The following DOCK7 variants were observed in gnomAD, a reference collection of about 807,000 sequenced individuals.
DOCK7 encodes the protein dedicator of cytokinesis 7.
DOCK7 carries 138 observed loss-of-function variants against 271.0 expected under a neutral mutation model. The ratio of observed to expected loss-of-function variants is 0.51; its 90% CI spans 0.44 to 0.59. The LOEUF is 0.59. Among genes scored for constraint, DOCK7 ranks in the 20% least tolerant of loss-of-function variants. DOCK7 has a pLI of 0.00. For missense variants in DOCK7, 2,066 were observed against 2,592.4 expected, an observed-to-expected ratio of 0.80 and a Z score of 4.41; for synonymous variants, 823 against 876.1, an observed-to-expected ratio of 0.94 and a Z score of 1.07.
intron 37 of DOCK7, among the ~76,000 whole-genome samples, chr1:62,503,657 C>T (rs1646851827): frequency 6.6e-6 from 1 of 151,966 alleles, no homozygotes; most frequent in African/African-American, 2.4e-5. Flanking sequence ...CTCAGGCTGG[C>T]CTCAAACTCC....
In DOCK7 at chr1:62,495,455, C is replaced by T. The variant is rs145607352; in HGVS notation, c.5024+126G>A. ...AAAAAGTAAAAAATAAAAATAAAAA[C>T]AATAAAGAATGTAAATAAAGAAAAA... On this transcript the variant is annotated intron_variant, in intron 39 of 49. Transcript: ENST00000635253. The T allele has an allele frequency of 2.4e-4, 149 of 624,030 alleles. No individual in the cohort carries two copies. The African/African-American group carries it at 2.8e-3, about 12-fold the overall frequency. The allele number at this position is 624,030 out of a possible 1,614,324, so 38.7% of individuals were successfully genotyped here.
At chr1:62,602,263 T>C (rs1258625222) in intron 14 of DOCK7, 4 of 1,562,402 alleles carry the variant, frequency 2.6e-6, no homozygotes, top group Non-Finnish European at 2.6e-6. Flanking sequence ...TAAAAATACA[T>C]GATTTCATTC....
At position 62,649,847 on chromosome 1, in the gene DOCK7, G is replaced by A. The variant is rs547758985; in HGVS notation, c.390-1303C>T. Among the ~76,000 whole-genome samples the A allele has an allele frequency of 1.7e-4, 26 of 152,222 alleles. No homozygotes were observed. In the South Asian group the frequency reaches 5.4e-3, roughly 32 times the overall value. ...TCAATATGGAGCCTTAGCATGTATT[G>A]CTCTTCCCTCTGCCTAATAACATTC... On this transcript the variant is annotated intron_variant, in intron 4 of 49. Transcript: ENST00000635253.
At chr1:62,505,926 G>A in intron 35 of DOCK7, 110 bp from the exon 36 acceptor site, 1 of 1,035,586 alleles carries the variant, frequency 9.7e-7, no homozygotes, top group Non-Finnish European at 1.3e-6. Flanking sequence ...TATAAGTAAA[G>A]TTTTAAAAGA....
intron 15 of DOCK7, among the ~76,000 whole-genome samples, chr1:62,585,366 T>C (rs890422179): frequency 2.6e-5 from 4 of 152,166 alleles, no homozygotes; most frequent in African/African-American, 9.6e-5. Flanking sequence ...CTATTAACAA[T>C]GCACCTATTC....
intron 14 of DOCK7, among the ~76,000 whole-genome samples, chr1:62,591,215 G>T (rs1648393580): frequency 6.6e-6 from 1 of 152,146 alleles, no homozygotes; most frequent in South Asian, 2.1e-4. Flanking sequence ...GGATGGAGCT[G>T]GGAACCACTA....
chr1:62,562,233 C>CTTTTTTTTTT (rs59893499), intron 18 of DOCK7, among the ~76,000 whole-genome samples: 55,601 of 118,068 alleles, frequency 0.47, 15,514 homozygotes, highest in East Asian at 0.67. Context: ...GATCCAAAAA[C>CTTTTTTTTTT]TTTTTTTTTT....
At chr1:62,457,892 G>A in intron 48 of DOCK7, 187 bp from the exon 49 acceptor site, 1 of 545,936 alleles carries the variant, frequency 1.8e-6, no homozygotes. Flanking sequence ...GCTCATGGCT[G>A]TAATCCCAGC....
At position 62,513,587 on chromosome 1, in the gene DOCK7, C is replaced by T. The variant is rs368205214; in HGVS notation, c.4139G>A (p.Arg1380Gln). ...FEYKGKKVFE[R>Q]MNSLTFKKSK... ...TTTCTTAAAGGTCAAGCTATTCATT[C>T]GTTCAAACACTTTTTTCCCCTAAAA... Residue 1380 changes from arginine to glutamine, a missense_variant, in exon 33 of 50, where the codon CGA becomes CAA. Physicochemically the swap from Arg to Gln is conservative, Grantham distance 43 (BLOSUM62 1). Transcript: ENST00000635253. 63 of 1,612,312 alleles carry T rather than the reference C, an allele frequency of 3.9e-5. No homozygotes were observed. Among genetic ancestry groups the T allele is most frequent in the African/African-American group, 5.3e-5 (4 of 74,790 alleles).
intron 16 of DOCK7, among the ~76,000 whole-genome samples, chr1:62,581,037 T>C (rs1255913230): frequency 1.3e-5 from 2 of 152,148 alleles, no homozygotes; most frequent in African/African-American, 2.4e-5. Context: ...AGAGACCATA[T>C]AACCACAGGC....
Position 62,633,562 on chromosome 1 carries a change from TG to T in DOCK7, c.1051del (p.Gln351SerfsTer13). 1 of 1,612,652 alleles carries T rather than the reference TG, an allele frequency of 6.2e-7. No homozygotes were observed. The highest frequency in any genetic ancestry group is 8.5e-7 in the Non-Finnish European group (1 of 1,179,398). Reference protein sequence around the residue: ...FLVIKLEKVLQQGDIGECAEP... With the variant: ...FLVIKLEKVLXQGDIGECAEP... ...TGCACACTCTCCAATGTCTCCTTGCTGTAGGACTTTTTCTAGCTGTCAAAGG... is the reference window on the plus strand; with the variant it reads ...TGCACACTCTCCAATGTCTCCTTGCTTAGGACTTTTTCTAGCTGTCAAAGG... On this transcript the variant is annotated frameshift_variant, in exon 10 of 50. Coordinates refer to ENST00000635253, the MANE Select transcript of DOCK7 (RefSeq NM_001367561.1). LOFTEE classifies it high-confidence loss of function.
chr1:62,656,265 T>C (rs1379230814), intron 2 of DOCK7, among the ~76,000 whole-genome samples: 2 of 152,136 alleles, frequency 1.3e-5, no homozygotes, highest in Non-Finnish European at 2.9e-5. Context: ...CAAAATGTCC[T>C]TACAATTTGG....
chr1:62,555,893 C>T lies in DOCK7; in HGVS notation c.2528G>A (p.Ser843Asn). ...EGNHDQHGRN[S>N]LLASYIHYVF... Reference sequence around the variant, plus strand: ...ATAATGAATATATGATGCAAGAAGGCTGTTTCTGCCATGCTGGTCATGATT... The same window carrying T: ...ATAATGAATATATGATGCAAGAAGGTTGTTTCTGCCATGCTGGTCATGATT... The change falls in exon 21 of 50, where the codon AGC (serine) becomes AAC (asparagine). Residue 843 changes from serine to asparagine, a missense_variant. Ser to Asn is a conservative substitution (Grantham distance 46). Transcript: ENST00000635253. The T allele has an allele frequency of 6.2e-7, 1 of 1,613,844 alleles. No individual in the cohort carries two copies. The highest frequency in any genetic ancestry group is 1.1e-5 in the South Asian group (1 of 91,048).
At chr1:62,460,074 T>C (rs1220670652) in intron 48 of DOCK7, among the ~76,000 whole-genome samples, 1 of 119,514 alleles carries the variant, frequency 8.4e-6, no homozygotes, top group Admixed American at 1.2e-4. Flanking sequence ...CACTCCAGCC[T>C]GGGTGACAGA....
rs1461121853 is a variant in DOCK7 at position 62,688,359 on chromosome 1, G to A, written c.-95C>T. 2.4e-6 allele frequency: 2 copies of A among 836,266 alleles called. No individual in the cohort carries two copies. Among genetic ancestry groups the A allele is most frequent in the African/African-American group, 1.8e-5 (1 of 55,482 alleles). The allele number at this position is 836,266 out of a possible 1,614,324, so 51.8% of individuals were successfully genotyped here. On this transcript the variant is annotated 5_prime_UTR_variant, in exon 1 of 50. Coordinates refer to ENST00000635253, the MANE Select transcript of DOCK7 (RefSeq NM_001367561.1). ...TCCTCGCTCGTGCTCCCTCCCTCGC[G>A]GCCTCCGCCAGTCCGGGCTCCGGAC...
chr1:62,510,091 T>C (rs1157747046), intron 34 of DOCK7, among the ~76,000 whole-genome samples: 3 of 152,202 alleles, frequency 2.0e-5, no homozygotes, highest in African/African-American at 4.8e-5. Flanking sequence ...CTGCAGCCAC[T>C]TGGGCAGTAA....
chr1:62,639,681 G>A (rs557070216), intron 7 of DOCK7, among the ~76,000 whole-genome samples: 3 of 151,500 alleles, frequency 2.0e-5, no homozygotes, highest in East Asian at 1.9e-4. Flanking sequence ...CACCTGCCTC[G>A]GCCTCCCAAA....
chr1:62,679,655 G>A (rs1481095206), intron 1 of DOCK7, among the ~76,000 whole-genome samples: 1 of 152,136 alleles, frequency 6.6e-6, no homozygotes, highest in Non-Finnish European at 1.5e-5. Flanking sequence ...ACAAAGCAAT[G>A]GCATTGATGT....
At chr1:62,564,035 T>C (rs1434023381) in intron 18 of DOCK7, among the ~76,000 whole-genome samples, 5 of 151,822 alleles carry the variant, frequency 3.3e-5, no homozygotes, top group Non-Finnish European at 7.4e-5. Context: ...CCTAAATATA[T>C]ATGCACCCAA....
Sources: allele counts gnomAD v4.1 joint callset (sites outside exome capture counted in the v4.1 genomes callset), GRCh38; gene constraint gnomAD v4.1.1; transcripts MANE v1.5; gene names NCBI Gene and HGNC (gene_info 2026-07-23, HGNC 2026-07-21).